ATRNL1: variants seen among roughly 807,000 people sequenced by gnomAD.
ATRNL1 encodes attractin like 1.
ATRNL1 carries 95 observed loss-of-function variants against 182.7 expected under a neutral mutation model. The ratio of observed to expected loss-of-function variants is 0.52; its 90% CI spans 0.44 to 0.62. The LOEUF is 0.62. Ranked by LOEUF, ATRNL1 falls within the 20% of genes least tolerant of loss-of-function variation. The pLI is 0.00. For synonymous variants in ATRNL1, 576 were observed against 568.3 expected (o/e 1.01, Z -0.19); for missense variants, 1,471 against 1,679.5 (o/e 0.88, Z 2.17).
At chr10:115,727,666 T>C (rs540992732) in intron 27 of ATRNL1, among the ~76,000 whole-genome samples, 11 of 152,192 alleles carry the variant, frequency 7.2e-5, no homozygotes, top group Non-Finnish European at 1.3e-4. Flanking sequence ...CGCCTATATT[T>C]AGTCTTTGGA....
At chr10:115,272,019 A>C (rs114663677) in intron 13 of ATRNL1, among the ~76,000 whole-genome samples, 1,778 of 151,760 alleles carry the variant, frequency 0.012, 34 homozygotes, top group African/African-American at 0.04. Context: ...GTATGTGGCA[A>C]CTCCACCTCC....
intron 24 of ATRNL1, among the ~76,000 whole-genome samples, chr10:115,495,313 A>G (rs980602221): frequency 2.6e-5 from 4 of 152,044 alleles, no homozygotes; most frequent in African/African-American, 9.7e-5. Context: ...GTGTCTCACT[A>G]TCCTTCAGTT....
chr10:115,236,121 G>C (rs1480880317), intron 9 of ATRNL1, among the ~76,000 whole-genome samples: 1 of 152,018 alleles, frequency 6.6e-6, no homozygotes, highest in African/African-American at 2.4e-5. Context: ...ATCATTCTTT[G>C]TGCACTCCTT....
At chr10:115,171,349 T>C in intron 8 of ATRNL1, 57 bp downstream of exon 8, 1 of 1,425,006 alleles carries the variant, frequency 7.0e-7, no homozygotes. Flanking sequence ...TTCTCTTTAA[T>C]AAAATCTTCA....
chr10:115,143,831 A>G (rs1845851515), intron 5 of ATRNL1, among the ~76,000 whole-genome samples: 1 of 152,132 alleles, frequency 6.6e-6, no homozygotes, highest in African/African-American at 2.4e-5. Context: ...TGATCTCACC[A>G]TGAGGACCCT....
chr10:115,594,687 T>C (rs1292345819), intron 26 of ATRNL1, among the ~76,000 whole-genome samples: 1 of 152,180 alleles, frequency 6.6e-6, no homozygotes, highest in Non-Finnish European at 1.5e-5. Flanking sequence ...GTGTTTTTAA[T>C]GGAGATGAGG....
chr10:115,580,598 T>G (rs933808486), intron 26 of ATRNL1, among the ~76,000 whole-genome samples: 4 of 152,100 alleles, frequency 2.6e-5, no homozygotes, highest in African/African-American at 9.7e-5. Flanking sequence ...TTGATGTACC[T>G]GAGGTTTGCT....
chr10:115,421,175 A>G (rs1845634782), intron 20 of ATRNL1, among the ~76,000 whole-genome samples: 1 of 152,208 alleles, frequency 6.6e-6, no homozygotes, highest in Non-Finnish European at 1.5e-5. Context: ...AGTAGAGGGC[A>G]TTCTTCCAAA....
intron 21 of ATRNL1, among the ~76,000 whole-genome samples, chr10:115,430,823 G>T (rs1216002136): frequency 1.3e-5 from 2 of 152,116 alleles, no homozygotes; most frequent in Non-Finnish European, 2.9e-5. Context: ...CGTGGGTGCC[G>T]TGGGCATCTC....
chr10:115,643,308 A>T (rs1555031136), intron 26 of ATRNL1, among the ~76,000 whole-genome samples: 5 of 152,176 alleles, frequency 3.3e-5, no homozygotes, highest in Non-Finnish European at 7.4e-5. Context: ...CTCATACTTC[A>T]CATTCATATA....
chr10:115,126,757 C>T (rs7906377), intron 3 of ATRNL1, among the ~76,000 whole-genome samples: 1,809 of 152,124 alleles, frequency 0.012, 34 homozygotes, highest in African/African-American at 0.04. Context: ...AGGAATTGAC[C>T]GTGTCGAGTT....
At chr10:115,207,756 T>C (rs1261514878) in intron 8 of ATRNL1, among the ~76,000 whole-genome samples, 2 of 152,034 alleles carry the variant, frequency 1.3e-5, no homozygotes, top group South Asian at 2.1e-4. Context: ...AAGACAGCTG[T>C]CATTCTTATC....
chr10:115,273,340 T>C (rs1554913833), intron 13 of ATRNL1, among the ~76,000 whole-genome samples: 2 of 152,234 alleles, frequency 1.3e-5, no homozygotes, highest in African/African-American at 2.4e-5. Flanking sequence ...TTTGCTGATG[T>C]CACGTTTTGG....
intron 27 of ATRNL1, among the ~76,000 whole-genome samples, chr10:115,830,191 T>C (rs1555093197): frequency 6.6e-6 from 1 of 152,228 alleles, no homozygotes. Flanking sequence ...TTTTTGTTTT[T>C]GTTTTTGTTT....
At chr10:115,376,286 CTTTA>C (rs139258930) in intron 19 of ATRNL1, among the ~76,000 whole-genome samples, 1,968 of 151,742 alleles carry the variant, frequency 0.013, 33 homozygotes, top group African/African-American at 0.044. Flanking sequence ...CTGCCTTTGA[CTTTA>C]TTTATTTATT....
At chr10:115,281,569 T>C in intron 14 of ATRNL1, 82 bp downstream of exon 14, 2 of 1,338,316 alleles carry the variant, frequency 1.5e-6, no homozygotes, top group Non-Finnish European at 2.1e-6. Flanking sequence ...GTAAGGACAC[T>C]ACATTTTCTA....
intron 28 of ATRNL1, among the ~76,000 whole-genome samples, chr10:115,856,215 G>A (rs958623673): frequency 2.0e-5 from 3 of 151,750 alleles, no homozygotes; most frequent in African/African-American, 7.3e-5. Context: ...GATCACCTGA[G>A]GTCAGAATTC....
At chr10:115,683,215 A>G (rs1555045268) in intron 26 of ATRNL1, among the ~76,000 whole-genome samples, 1 of 152,050 alleles carries the variant, frequency 6.6e-6, no homozygotes, top group Non-Finnish European at 1.5e-5. Flanking sequence ...ATTCCATATT[A>G]AAATATCTTT....
At position 115,599,535 on chromosome 10, in the gene ATRNL1, T is replaced by C. The variant is rs868911282; in HGVS notation, c.3795+49999T>C. 1.2e-3 allele frequency among the ~76,000 whole-genome samples: 176 copies of C among 152,310 alleles called. 1 individual carries two copies. The highest frequency in any genetic ancestry group is 4.0e-3 in the African/African-American group (168 of 41,566). On this transcript the variant is annotated intron_variant, in intron 26 of 28. Coordinates refer to ENST00000355044, the MANE Select transcript of ATRNL1 (RefSeq NM_207303.4). ...TTAAGTAAAGTAAACCCGGATTTTT[T>C]TTGTTATTCTACAAGGGCTTGGCAG... is the stretch of plus-strand genomic sequence containing the variant.
Sources: gnomAD v4.1 joint callset for allele counts (sites outside exome capture counted in the v4.1 genomes callset) on GRCh38, gnomAD v4.1.1 for gene constraint, MANE v1.5 for transcripts, NCBI Gene and HGNC (gene_info 2026-07-23, HGNC 2026-07-21) for gene names.